Variants in DGKI observed in about 807,000 individuals in gnomAD.
The protein encoded by DGKI is diacylglycerol kinase iota, also known as DAG kinase iota.
Under a neutral mutation model 147.5 loss-of-function variants are expected in DGKI, and 55 were observed. That is an observed-to-expected ratio of 0.37 (90% CI 0.30 to 0.47). The LOEUF is 0.47. Among genes scored for constraint, DGKI ranks in the 20% least tolerant of loss-of-function variants. The pLI is 1.00. For synonymous variants in DGKI, 469 were observed against 477.1 expected, an observed-to-expected ratio of 0.98 and a Z score of 0.22; for missense variants, 1,007 against 1,323.8, an observed-to-expected ratio of 0.76 and a Z score of 3.71.
rs1168645661 is a variant in DGKI, at chr7:137,606,549, G to T, written c.1167+2417C>A. ...CTTATTACGAATGCAGCATCTTAGG[G>T]CCCACCCCGACTTACTGAAGCAGAA... On this transcript the variant is annotated intron_variant, in intron 10 of 32. Transcript: ENST00000614521. 3.3e-5 allele frequency among the ~76,000 whole-genome samples: 5 copies of T among 152,232 alleles called. No homozygotes were observed. The South Asian group carries it at 8.3e-4, about 25-fold the overall frequency.
intron 27 of DGKI, among the ~76,000 whole-genome samples, chr7:137,450,666 G>T (rs1253419533): frequency 1.3e-5 from 2 of 152,088 alleles, no homozygotes; most frequent in Non-Finnish European, 2.9e-5. Context: ...AGGTTGCAGT[G>T]AGCCAAGATT....
chr7:137,422,826 G>C (rs900262031), intron 28 of DGKI, among the ~76,000 whole-genome samples: 3 of 151,756 alleles, frequency 2.0e-5, no homozygotes, highest in Admixed American at 6.6e-5. Context: ...GGATGGTCTC[G>C]ATCTCCTGAC....
intron 1 of DGKI, among the ~76,000 whole-genome samples, chr7:137,807,568 C>T (rs978850453): frequency 3.9e-5 from 6 of 152,206 alleles, no homozygotes; most frequent in African/African-American, 1.2e-4. Flanking sequence ...CAAACTTTCA[C>T]GTGCTCACAA....
chr7:137,428,981 G>C (rs1455970166), intron 28 of DGKI, among the ~76,000 whole-genome samples: 1 of 149,700 alleles, frequency 6.7e-6, no homozygotes, highest in Non-Finnish European at 1.5e-5. Context: ...TACTGCCCAA[G>C]GTAATTTATA....
chr7:137,760,315 G>A (rs573521235), intron 1 of DGKI, among the ~76,000 whole-genome samples: 3 of 152,212 alleles, frequency 2.0e-5, no homozygotes, highest in East Asian at 1.9e-4. Context: ...AATGCTGAGC[G>A]CCTTTGCCAG....
chr7:137,541,302 C>T (rs1010316094), intron 20 of DGKI, among the ~76,000 whole-genome samples: 3 of 152,102 alleles, frequency 2.0e-5, no homozygotes, highest in Admixed American at 2.0e-4. Flanking sequence ...TCTGTGGGTT[C>T]TACATCTGCA....
At chr7:137,421,952 A>G (rs567076749) in intron 28 of DGKI, among the ~76,000 whole-genome samples, 5 of 152,306 alleles carry the variant, frequency 3.3e-5, no homozygotes, top group Non-Finnish European at 7.4e-5. Context: ...CTTGCAATCA[A>G]TTTTGGAGAC....
At chr7:137,511,874 G>T (rs75332463) in intron 21 of DGKI, among the ~76,000 whole-genome samples, 2,292 of 152,328 alleles carry the variant, frequency 0.015, 66 homozygotes, top group African/African-American at 0.052. Context: ...CCAGGGCAGA[G>T]CCTGATCTGT....
At chr7:137,665,731 CTG>C (rs890520184) in intron 3 of DGKI, among the ~76,000 whole-genome samples, 6 of 152,066 alleles carry the variant, frequency 3.9e-5, no homozygotes, top group African/African-American at 1.4e-4. Flanking sequence ...AGAGCAGTGC[CTG>C]TGTGTTGTTG....
intron 12 of DGKI, among the ~76,000 whole-genome samples, chr7:137,593,596 C>G (rs1819690023): frequency 6.6e-6 from 1 of 152,192 alleles, no homozygotes; most frequent in Admixed American, 6.5e-5. Flanking sequence ...CCATTGGCCA[C>G]ATGTGGTGAT....
intron 28 of DGKI, among the ~76,000 whole-genome samples, chr7:137,424,006 C>T (rs1812683029): frequency 6.6e-6 from 1 of 152,148 alleles, no homozygotes; most frequent in Non-Finnish European, 1.5e-5. Context: ...CTAATGCTAT[C>T]CCTCCCCTAG....
intron 1 of DGKI, among the ~76,000 whole-genome samples, chr7:137,719,101 G>A (rs148928506): frequency 1.4e-3 from 215 of 152,208 alleles, no homozygotes; most frequent in Non-Finnish European, 1.8e-3. Flanking sequence ...AGGGTATAAA[G>A]CTGGAGTTCA....
chr7:137,844,622 T>C (rs1237626487), intron 1 of DGKI, among the ~76,000 whole-genome samples: 1 of 152,214 alleles, frequency 6.6e-6, no homozygotes. Flanking sequence ...GACGCAATGT[T>C]ATTATTCTTC....
chr7:137,618,281 T>C (rs1168163915), intron 8 of DGKI, among the ~76,000 whole-genome samples: 2 of 147,616 alleles, frequency 1.4e-5, no homozygotes, highest in African/African-American at 4.9e-5. Context: ...TATGTTCATC[T>C]CCCACACACC....
chr7:137,531,056 T>A (rs898180645), intron 20 of DGKI, among the ~76,000 whole-genome samples: 7 of 152,314 alleles, frequency 4.6e-5, no homozygotes, highest in African/African-American at 1.4e-4. Flanking sequence ...AGTTCCCACA[T>A]ACACTCTTTG....
chr7:137,573,947 C>T (rs914946479), intron 17 of DGKI, among the ~76,000 whole-genome samples: 3 of 152,192 alleles, frequency 2.0e-5, no homozygotes, highest in African/African-American at 4.8e-5. Context: ...ATAGACTTTC[C>T]GATGTCAAAG....
chr7:137,697,660 T>C (rs903673818), intron 1 of DGKI, among the ~76,000 whole-genome samples: 1 of 152,170 alleles, frequency 6.6e-6, no homozygotes, highest in Non-Finnish European at 1.5e-5. Flanking sequence ...TCAGCACCTC[T>C]ATCAGTTTTG....
At chr7:137,809,634 C>T (rs1797496911) in intron 1 of DGKI, among the ~76,000 whole-genome samples, 2 of 152,132 alleles carry the variant, frequency 1.3e-5, no homozygotes, top group South Asian at 2.1e-4. Flanking sequence ...AAGCCAGGTG[C>T]TGTGGCTCAT....
At chr7:137,520,187 C>T (rs1267299053) in intron 21 of DGKI, among the ~76,000 whole-genome samples, 1 of 152,020 alleles carries the variant, frequency 6.6e-6, no homozygotes, top group Non-Finnish European at 1.5e-5. Flanking sequence ...CTCATTTCAG[C>T]TAAAAATTTC....
Sources: gnomAD v4.1 joint callset for allele counts (sites outside exome capture counted in the v4.1 genomes callset) on GRCh38, gnomAD v4.1.1 for gene constraint, MANE v1.5 for transcripts, NCBI Gene and HGNC (gene_info 2026-07-23, HGNC 2026-07-21) for gene names.